Variants in ELP4 observed in about 807,000 individuals in gnomAD.
ELP4 encodes elongator acetyltransferase complex subunit 4, also known as elongator complex protein 4.
ELP4 carries 51 observed loss-of-function variants against 48.9 expected under a neutral mutation model. The ratio of observed to expected loss-of-function variants is 1.04; its 90% CI spans 0.83 to 1.32. The LOEUF (loss-of-function observed/expected upper bound fraction) is 1.32. Among genes scored for constraint, ELP4 ranks in the 40% most tolerant of loss-of-function variants. ELP4 has a pLI of 0.00. For synonymous variants in ELP4, 210 were observed against 189.2 expected (o/e 1.11, Z -0.90); for missense variants, 519 against 514.6 (o/e 1.01, Z -0.08).
intron 5 of ELP4, 40 bp downstream of exon 5, chr11:31,603,947 A>C (rs753748291): frequency 6.4e-7 from 1 of 1,572,506 alleles, no homozygotes; most frequent in African/African-American, 1.4e-5. Context: ...TCTGATTTCA[A>C]ATATTAGTAG....
In ELP4 at chr11:31,562,984, A is replaced by G. The variant is rs185601907; in HGVS notation, c.381+23201A>G. On this transcript the variant is annotated intron_variant, in intron 3 of 9. Transcript: ENST00000640961. ...AGTACTTTTGTATTAAAATTATGGC[A>G]ATGAATCAGTAATATCTTTGATTTT... is the stretch of plus-strand genomic sequence containing the variant. 2.0e-5 allele frequency among the ~76,000 whole-genome samples: 3 copies of G among 152,286 alleles called. No homozygotes were observed. In the East Asian group the frequency reaches 5.8e-4, roughly 29 times the overall value.
chr11:31,681,174 G>A (rs1332603555), intron 9 of ELP4, among the ~76,000 whole-genome samples: 2 of 152,086 alleles, frequency 1.3e-5, no homozygotes, highest in African/African-American at 4.8e-5. Context: ...TAAGATTTCA[G>A]GCTTTTCTCC....
intron 1 of ELP4, chr11:31,510,751 G>C (rs1169555302): frequency 1.1e-5 from 2 of 183,752 alleles, no homozygotes; most frequent in Admixed American, 6.2e-5. Context: ...AAAATCTCTG[G>C]AATTTTTTAT....
chr11:31,695,962 T>C (rs1946395147), intron 9 of ELP4, among the ~76,000 whole-genome samples: 2 of 152,048 alleles, frequency 1.3e-5, no homozygotes, highest in African/African-American at 4.8e-5. Context: ...TGTAGAGGTG[T>C]TTATAGTATT....
chr11:31,678,529 GTGTGTGTGTGTGTA>G (rs879631504), intron 9 of ELP4, among the ~76,000 whole-genome samples: 2,447 of 134,370 alleles, frequency 0.018, 57 homozygotes, highest in African/African-American at 0.061. Flanking sequence ...GTGTGTGTGT[GTGTGTGTGTGTGTA>G]TATGTGCATT....
chr11:31,531,418 T>TTAAATACTAC (rs1446228971), intron 2 of ELP4, among the ~76,000 whole-genome samples: 1 of 152,224 alleles, frequency 6.6e-6, no homozygotes, highest in African/African-American at 2.4e-5. Flanking sequence ...GGAATGTTTA[T>TTAAATACTAC]TAAATACTAC....
intron 9 of ELP4, among the ~76,000 whole-genome samples, chr11:31,732,484 TAAATGAAAACAG>T (rs1483449389): frequency 2.8e-4 from 33 of 117,966 alleles, no homozygotes; most frequent in South Asian, 5.4e-4. Context: ...AAAAAAAAAA[TAAATGAAAACAG>T]AAAGGAAAAC....
At chr11:31,675,343 C>G (rs10835803) in intron 9 of ELP4, among the ~76,000 whole-genome samples, 1 of 151,242 alleles carries the variant, frequency 6.6e-6, no homozygotes, top group South Asian at 2.1e-4. Flanking sequence ...CAGCTCACTG[C>G]AACCTCCGCC....
intron 6 of ELP4, among the ~76,000 whole-genome samples, chr11:31,628,771 C>T (rs1006243931): frequency 2.0e-5 from 3 of 151,926 alleles, no homozygotes; most frequent in African/African-American, 7.2e-5. Context: ...TTTATTGCAA[C>T]TAAAATATAA....
intron 3 of ELP4, among the ~76,000 whole-genome samples, chr11:31,550,949 TTTGA>T (rs1441435128): frequency 6.6e-6 from 1 of 152,180 alleles, no homozygotes; most frequent in Non-Finnish European, 1.5e-5. Flanking sequence ...TAGCCATTGC[TTTGA>T]TTGTGCTTTT....
chr11:31,695,552 T>C (rs1308006401), intron 9 of ELP4, among the ~76,000 whole-genome samples: 1 of 151,216 alleles, frequency 6.6e-6, no homozygotes, highest in Admixed American at 6.6e-5. Context: ...CTGCTGGATT[T>C]GGTTTGCCAG....
chr11:31,615,062 A>T lies in ELP4; in HGVS notation c.653+11155A>T, dbSNP rs1958052044. 2.0e-5 allele frequency among the ~76,000 whole-genome samples: 3 copies of T among 152,084 alleles called. No homozygotes were observed. The South Asian group carries it at 6.2e-4, about 32-fold the overall frequency. On this transcript the variant is annotated intron_variant, in intron 5 of 9. Coordinates refer to ENST00000640961, the MANE Select transcript of ELP4 (RefSeq NM_019040.5). The stretch of plus-strand genomic sequence containing the variant: ...AGATGGTTGTATTGTTCTCCTCTAG[A>T]AGAATGTCCTTGTTTGTAGGAATCA...
chr11:31,708,093 A>G (rs978318942), intron 9 of ELP4, among the ~76,000 whole-genome samples: 1 of 152,160 alleles, frequency 6.6e-6, no homozygotes, highest in Non-Finnish European at 1.5e-5. Context: ...TAAAAATATC[A>G]TCGTTCTCTT....
At chr11:31,704,247 A>G (rs1039258749) in intron 9 of ELP4, among the ~76,000 whole-genome samples, 3 of 152,118 alleles carry the variant, frequency 2.0e-5, no homozygotes, top group African/African-American at 7.2e-5. Flanking sequence ...AAAATCTCAC[A>G]TGGTTAATTC....
chr11:31,745,132 C>T (rs1480720787), intron 9 of ELP4, among the ~76,000 whole-genome samples: 1 of 152,148 alleles, frequency 6.6e-6, no homozygotes, highest in East Asian at 1.9e-4. Flanking sequence ...AGTGAACTCC[C>T]ATTCACAACT....
chr11:31,612,644 C>T (rs1287869422), intron 5 of ELP4, among the ~76,000 whole-genome samples: 1 of 152,138 alleles, frequency 6.6e-6, no homozygotes. Flanking sequence ...AGGGGCAGTA[C>T]ACTGGTAGTA....
chr11:31,723,659 AT>A (rs1947014544), intron 9 of ELP4, among the ~76,000 whole-genome samples: 1 of 152,160 alleles, frequency 6.6e-6, no homozygotes, highest in Non-Finnish European at 1.5e-5. Context: ...CATTATCCCC[AT>A]TTTACAGCTG....
chr11:31,779,080 T>C (rs975598323), intron 9 of ELP4, among the ~76,000 whole-genome samples: 22 of 152,152 alleles, frequency 1.4e-4, no homozygotes, highest in Admixed American at 1.0e-3. Flanking sequence ...TTCTGAAATG[T>C]TAATGCTTAT....
intron 2 of ELP4, among the ~76,000 whole-genome samples, chr11:31,530,250 G>GAGA (rs1956371312): frequency 1.3e-5 from 2 of 152,172 alleles, no homozygotes; most frequent in African/African-American, 4.8e-5. Flanking sequence ...CATGGAAGCA[G>GAGA]CTCCGGATAT....
Sources: allele counts gnomAD v4.1 joint callset (sites outside exome capture counted in the v4.1 genomes callset), GRCh38; gene constraint gnomAD v4.1.1; transcripts MANE v1.5; gene names NCBI Gene and HGNC (gene_info 2026-07-23, HGNC 2026-07-21).